PCDHA2: variants seen among roughly 807,000 people sequenced by gnomAD.
The protein encoded by PCDHA2 is protocadherin alpha-2.
Under a neutral mutation model 66.0 loss-of-function variants are expected in PCDHA2, and 58 were observed. The observed-to-expected ratio is 0.88, with a 90% CI of 0.71 to 1.09. PCDHA2 has a LOEUF of 1.09. PCDHA2 is among the 50% of genes least tolerant of loss of function. The pLI is 0.00. For synonymous variants in PCDHA2, 634 were observed against 554.0 expected, an observed-to-expected ratio of 1.14 and a Z score of -2.03; for missense variants, 1,267 against 1,242.3, an observed-to-expected ratio of 1.02 and a Z score of -0.30.
intron 1 of PCDHA2, chr5:140,808,660 C>T: frequency 2.5e-6 from 4 of 1,613,110 alleles, no homozygotes; most frequent in Non-Finnish European, 3.4e-6. Context: ...CGCTGGTGTC[C>T]TACTCGCTGG....
At chr5:140,803,411 G>T (rs782062306) in intron 1 of PCDHA2, 3 of 1,614,218 alleles carry the variant, frequency 1.9e-6, no homozygotes, top group Non-Finnish European at 2.5e-6. Flanking sequence ...GCAAGCCCAC[G>T]CTGGTGTGCT....
intron 1 of PCDHA2, among the ~76,000 whole-genome samples, chr5:140,908,042 C>T (rs2073761027): frequency 1.3e-5 from 2 of 152,196 alleles, no homozygotes; most frequent in African/African-American, 2.4e-5. Context: ...TATATAATTG[C>T]ACATCCGGCC....
At chr5:140,819,356 A>G (rs1766542325) in intron 1 of PCDHA2, among the ~76,000 whole-genome samples, 1 of 152,128 alleles carries the variant, frequency 6.6e-6, no homozygotes, top group African/African-American at 2.4e-5. Flanking sequence ...ATGAAGATTA[A>G]ATTTTCTTGT....
chr5:140,821,892 A>G, intron 1 of PCDHA2: 1 of 1,614,238 alleles, frequency 6.2e-7, no homozygotes, highest in Non-Finnish European at 8.5e-7. Flanking sequence ...AGGAAGCCAA[A>G]CACGGAACCT....
intron 1 of PCDHA2, chr5:140,807,234 TCTTA>T (rs782378841): frequency 1.1e-5 from 18 of 1,614,094 alleles, no homozygotes; most frequent in African/African-American, 2.7e-5. Context: ...CGTCTGCTGC[TCTTA>T]CTTCTTCTCC....
rs782572078 is a variant in PCDHA2, at chr5:140,796,954, A to T, written c.1990A>T (p.Thr664Ser). ...CGAACCAGCGTTGACAGCCACGGCC[A>T]CCGTGTTAGTGTCGTTGGTGGAAAG... is the stretch of plus-strand genomic sequence containing the variant. ...HGEPALTATA[T>S]VLVSLVESGQ... is the part of the protein sequence containing the mutation. The change falls in exon 1 of 4, where the codon ACC becomes TCC. Residue 664 changes from threonine to serine, a missense_variant. By Grantham distance (58) the Thr-to-Ser change is moderately conservative. Transcript: ENST00000526136. 5.0e-6 allele frequency: 8 copies of T among 1,613,772 alleles called. No homozygotes were observed. Among genetic ancestry groups the T allele is most frequent in the Non-Finnish European group, 6.8e-6 (8 of 1,179,950 alleles).
In PCDHA2 at chr5:140,830,423, C is replaced by T. The variant is rs2150186297; in HGVS notation, c.2388+33071C>T. 29 of 1,613,982 alleles carry T rather than the reference C, an allele frequency of 1.8e-5. 1 individual carries two copies. The Middle Eastern group carries it at 2.0e-3, about 110-fold the overall frequency. ...CATGGCCTTTAGCCCCAGCCTTTCACCTTGTCCTATTATGATGGGTAAGGC... is the reference window on the plus strand; with the variant it reads ...CATGGCCTTTAGCCCCAGCCTTTCATCTTGTCCTATTATGATGGGTAAGGC... On this transcript the variant is annotated intron_variant, in intron 1 of 3. Transcript: ENST00000526136.
At chr5:140,870,715 G>C in intron 1 of PCDHA2, 1 of 1,613,128 alleles carries the variant, frequency 6.2e-7, no homozygotes, top group Non-Finnish European at 8.5e-7. Context: ...GAGCGCGCGC[G>C]ATGCGGGCGT....
In PCDHA2 at chr5:140,796,709, C is replaced by A; in HGVS notation, c.1745C>A (p.Pro582Gln). 3.1e-6 allele frequency: 5 copies of A among 1,613,960 alleles called. No homozygotes were observed. Among genetic ancestry groups the A allele is most frequent in the Non-Finnish European group, 4.2e-6 (5 of 1,179,900 alleles). ...GCTGGCGCAGTGAGTGAGCTGGTGCCGTGGTCGGTGGGTGCAGGGCACGTG... is the reference window on the plus strand; with the variant it reads ...GCTGGCGCAGTGAGTGAGCTGGTGCAGTGGTCGGTGGGTGCAGGGCACGTG... ...TAAGAVSELV[P>Q]WSVGAGHVVA... Residue 582 changes from proline (P) to glutamine (Q), a missense_variant, in exon 1 of 4, where the codon CCG (proline) becomes CAG (glutamine). Coordinates refer to ENST00000526136, the MANE Select transcript of PCDHA2 (RefSeq NM_018905.3).
At chr5:140,970,466 A>G (rs549761303) in intron 1 of PCDHA2, among the ~76,000 whole-genome samples, 51 of 152,334 alleles carry the variant, frequency 3.3e-4, no homozygotes, top group Non-Finnish European at 4.4e-4. Context: ...TTAAGTAGGT[A>G]TAAGGCCAGC....
At position 140,795,910 on chromosome 5, in the gene PCDHA2, T is replaced by C. The variant is rs145876467; in HGVS notation, c.946T>C (p.Tyr316His). The change falls in exon 1 of 4, where the codon TAC (tyrosine) becomes CAC (histidine). Residue 316 changes from tyrosine (Y) to histidine (H), a missense_variant. Tyr to His is a moderately conservative substitution (Grantham distance 83). Transcript: ENST00000526136. ...GKLDYEEAKS[Y>H]EIQVTATDKG... ...ATTAGATTATGAAGAAGCAAAGTCC[T>C]ACGAGATTCAGGTCACTGCAACTGA... The C allele has an allele frequency of 3.7e-6, 6 of 1,614,008 alleles. No homozygotes were observed. The highest frequency in any genetic ancestry group is 2.2e-5 in the East Asian group (1 of 44,878).
At chr5:140,824,747 A>C (rs1768347679) in intron 1 of PCDHA2, 1 of 151,386 alleles carries the variant, frequency 6.6e-6, no homozygotes, top group South Asian at 2.1e-4. Flanking sequence ...GGATTGAGCA[A>C]GAGTGCCTGG....
At chr5:140,967,978 G>A in intron 1 of PCDHA2, 5 of 1,614,206 alleles carry the variant, frequency 3.1e-6, no homozygotes, top group Non-Finnish European at 3.4e-6. Flanking sequence ...GCCTGGGTCT[G>A]GAGGCCACAC....
chr5:141,002,374 C>T (rs1228476890), intron 3 of PCDHA2, among the ~76,000 whole-genome samples: 1 of 152,220 alleles, frequency 6.6e-6, no homozygotes, highest in Non-Finnish European at 1.5e-5. Context: ...CTCATTCTGG[C>T]TTAGGGCTCC....
At chr5:140,977,126 T>C (rs782356713) in intron 1 of PCDHA2, among the ~76,000 whole-genome samples, 27 of 152,240 alleles carry the variant, frequency 1.8e-4, no homozygotes, top group Admixed American at 4.6e-4. Context: ...GAACTGAGTT[T>C]CCTGGTCAGT....
chr5:140,875,133 A>G (rs1269514593), intron 1 of PCDHA2, among the ~76,000 whole-genome samples: 1 of 152,228 alleles, frequency 6.6e-6, no homozygotes, highest in Non-Finnish European at 1.5e-5. Context: ...CTAAACCCGC[A>G]TTTATAAATG....
At chr5:140,941,204 T>TTTCC (rs1348435161) in intron 1 of PCDHA2, among the ~76,000 whole-genome samples, 2 of 88,662 alleles carry the variant, frequency 2.3e-5, no homozygotes, top group Non-Finnish European at 4.4e-5. Flanking sequence ...TCTTTCTTCC[T>TTTCC]TTCTTTCTTC....
rs148596731 is a variant in PCDHA2 at position 141,000,361 on chromosome 5, GTCTCTCTCTCTC to G, written c.2537-9242_2537-9231del. Among the ~76,000 whole-genome samples, 60 of 26,440 alleles carry G rather than the reference GTCTCTCTCTCTC, an allele frequency of 2.3e-3. 1 individual carries two copies. Among genetic ancestry groups the G allele is most frequent in the Admixed American group, 5.8e-3 (10 of 1,730 alleles). The allele number at this position is 26,440 out of a possible 152,430, so 17.3% of individuals were successfully genotyped here. On this transcript the variant is annotated intron_variant, in intron 3 of 3. Transcript: ENST00000526136. ...CCTATCTCTCTCTCTGTCTCTCTCT[GTCTCTCTCTCTC>G]TCTCTCTCTCTCTCTCTCTCTCTAT...
intron 1 of PCDHA2, chr5:140,802,841 C>G: frequency 1.9e-6 from 3 of 1,613,538 alleles, no homozygotes; most frequent in Non-Finnish European, 2.5e-6. Context: ...TGGGCAGCAA[C>G]GTGACGCTGC....
Sources: gnomAD v4.1 joint callset for allele counts (sites outside exome capture counted in the v4.1 genomes callset) on GRCh38, gnomAD v4.1.1 for gene constraint, MANE v1.5 for transcripts, NCBI Gene and HGNC (gene_info 2026-07-23, HGNC 2026-07-21) for gene names.